The following FAM76A variants were observed in gnomAD, a reference collection of about 807,000 sequenced individuals.
The protein encoded by FAM76A is protein FAM76A.
A neutral mutation model predicts 46.2 loss-of-function variants in FAM76A; 32 were observed. The ratio of observed to expected loss-of-function variants is 0.69; its 90% CI spans 0.52 to 0.93. The LOEUF (loss-of-function observed/expected upper bound fraction) is 0.93. FAM76A is among the 40% of genes least tolerant of loss of function. The probability of loss-of-function intolerance (pLI) is 0.00; values close to 1 mark genes in which losing one functional copy is unlikely to be tolerated. For missense variants in FAM76A, 274 were observed against 361.5 expected (o/e 0.76, Z 1.96); for synonymous variants, 137 against 127.0 (o/e 1.08, Z -0.53).
Position 27,744,645 on chromosome 1 carries a change from G to C in FAM76A, c.355-9G>C, listed in dbSNP as rs904331891. On this transcript the variant is annotated splice_polypyrimidine_tract_variant and intron_variant, in intron 4 of 8. Transcript: ENST00000373954. The stretch of plus-strand genomic sequence containing the variant: ...CCCTCTTCTTTATCTTTGTCTCCTT[G>C]TCTTTCAGGTAGATGGGAAATTGCT... 1.2e-6 allele frequency: 2 copies of C among 1,613,378 alleles called. No homozygotes were observed. The highest frequency in any genetic ancestry group is 1.7e-6 in the Non-Finnish European group (2 of 1,179,652).
At chr1:27,738,232 C>T (rs1037725563) in intron 4 of FAM76A, among the ~76,000 whole-genome samples, 1 of 152,024 alleles carries the variant, frequency 6.6e-6, no homozygotes, top group Non-Finnish European at 1.5e-5. Context: ...TGGCTCACGC[C>T]TGTAATCCCA....
intron 4 of FAM76A, among the ~76,000 whole-genome samples, chr1:27,736,398 G>A (rs1329505658): frequency 6.6e-6 from 1 of 152,148 alleles, no homozygotes; most frequent in Non-Finnish European, 1.5e-5. Context: ...CTTATTAACT[G>A]TGTGACTTTG....
chr1:27,734,113 A>G lies in FAM76A; in HGVS notation c.284A>G (p.Tyr95Cys). 6.2e-7 allele frequency: 1 copy of G among 1,613,214 alleles called. No individual in the cohort carries two copies. Among genetic ancestry groups the G allele is most frequent in the Non-Finnish European group, 8.5e-7 (1 of 1,179,846 alleles). Residue 95 changes from tyrosine to cysteine, a missense_variant, in exon 4 of 9, where the codon TAT (tyrosine) becomes TGT (cysteine). Tyr to Cys is a radical substitution (Grantham distance 194, BLOSUM62 -2). Transcript: ENST00000373954. ...CGCTGCACAAATTCAGAAAAGAAGTATGGACCACCCTATTCTTGTGAACAG... is the reference window on the plus strand; with the variant it reads ...CGCTGCACAAATTCAGAAAAGAAGTGTGGACCACCCTATTCTTGTGAACAG... ...CQRCTNSEKK[Y>C]GPPYSCEQCK...
intron 5 of FAM76A, among the ~76,000 whole-genome samples, chr1:27,747,626 A>C (rs1250722983): frequency 2.0e-5 from 3 of 152,144 alleles, no homozygotes; most frequent in Admixed American, 2.0e-4. Context: ...AGTGAAGAAG[A>C]ACTAGACTGG....
chr1:27,759,589 A>T lies in FAM76A; in HGVS notation c.799A>T (p.Met267Leu), dbSNP rs763384928. ...GCAGATGAGAGCCAAAATGAACCAG[A>T]TGGAGAAAACCCACAAAGAAGTCAC... ...ESQMRAKMNQ[M>L]EKTHKEVTEQ... is the part of the protein sequence containing the mutation. The change falls in exon 8 of 9, where the codon ATG (methionine) becomes TTG (leucine). Residue 267 changes from methionine (M) to leucine (L), a missense_variant. Physicochemically the swap from Met to Leu is conservative, Grantham distance 15 (BLOSUM62 2). Transcript: ENST00000373954. 2 of 1,613,882 alleles carry T rather than the reference A, an allele frequency of 1.2e-6. No homozygotes were observed. The highest frequency in any genetic ancestry group is 3.3e-5 in the Admixed American group (2 of 59,934).
At chr1:27,749,043 G>C in intron 5 of FAM76A, 25 bp from the exon 6 acceptor site, 1 of 1,456,364 alleles carries the variant, frequency 6.9e-7, no homozygotes, top group Non-Finnish European at 9.5e-7. Context: ...TCTAATGTGT[G>C]TCTCTCTATT....
At chr1:27,744,278 G>A (rs1381999490) in intron 4 of FAM76A, among the ~76,000 whole-genome samples, 5 of 152,022 alleles carry the variant, frequency 3.3e-5, no homozygotes, top group Non-Finnish European at 5.9e-5. Context: ...ACAGGTGCAC[G>A]ACACTATGCC....
At chr1:27,755,768 T>C in intron 7 of FAM76A, among the ~76,000 whole-genome samples, 1 of 152,066 alleles carries the variant, frequency 6.6e-6, no homozygotes, top group East Asian at 1.9e-4. Context: ...AGAGACATGG[T>C]CTTATTATGT....
At chr1:27,746,472 C>T (rs2088242204) in intron 5 of FAM76A, among the ~76,000 whole-genome samples, 1 of 152,176 alleles carries the variant, frequency 6.6e-6, no homozygotes, top group Admixed American at 6.5e-5. Context: ...CCCGTAATCC[C>T]AGCACTTTGG....
At chr1:27,747,039 G>T (rs1229717186) in intron 5 of FAM76A, among the ~76,000 whole-genome samples, 1 of 152,016 alleles carries the variant, frequency 6.6e-6, no homozygotes, top group Non-Finnish European at 1.5e-5. Context: ...TTATGCCATT[G>T]CTCTCCAGCC....
chr1:27,741,193 ATTT>A (rs767134759), intron 4 of FAM76A, among the ~76,000 whole-genome samples: 3 of 116,492 alleles, frequency 2.6e-5, no homozygotes, highest in Non-Finnish European at 3.4e-5. Flanking sequence ...GGGAGATTTG[ATTT>A]TTTTTTTTTT....
At chr1:27,759,505 A>G in intron 7 of FAM76A, 21 bp from the exon 8 acceptor site, 1 of 1,556,030 alleles carries the variant, frequency 6.4e-7, no homozygotes, top group Non-Finnish European at 8.7e-7. Context: ...TCTTCTGGTT[A>G]TTCTGCCTTG....
At chr1:27,751,716 A>T (rs553590294) in intron 6 of FAM76A, among the ~76,000 whole-genome samples, 1 of 152,078 alleles carries the variant, frequency 6.6e-6, no homozygotes, top group South Asian at 2.1e-4. Context: ...TACTCAGGCC[A>T]GTCCTGAACT....
At chr1:27,759,719 CT>C (rs1369059208) in intron 8 of FAM76A, 92 bp downstream of exon 8, 8 of 776,658 alleles carry the variant, frequency 1.0e-5, no homozygotes, top group East Asian at 3.2e-5. Flanking sequence ...TCTTAGATTT[CT>C]TTTTTTTCTC....
chr1:27,755,369 G>T (rs372372895), intron 7 of FAM76A, 39 bp downstream of exon 7: 7 of 1,610,804 alleles, frequency 4.3e-6, no homozygotes, highest in Admixed American at 1.7e-5. Flanking sequence ...AGAATGATGC[G>T]AGGGTGAGAT....
chr1:27,753,634 G>A (rs1270089595), intron 6 of FAM76A, among the ~76,000 whole-genome samples: 1 of 152,180 alleles, frequency 6.6e-6, no homozygotes, highest in African/African-American at 2.4e-5. Context: ...TGAGAGGAGG[G>A]TAGGAATATT....
rs533656345 is a variant in FAM76A, at chr1:27,731,878, G to T, written c.147-725G>T. On this transcript the variant is annotated intron_variant, in intron 2 of 8. Transcript: ENST00000373954. ...CTTTTGTTGCCCAGGCTGGAGTGCA[G>T]TGGTGAGGTCTCGGCTTACTGCAAC... Among the ~76,000 whole-genome samples, 24 of 152,230 alleles carry T rather than the reference G, an allele frequency of 1.6e-4. No homozygotes were observed. In the South Asian group the frequency reaches 5.0e-3, roughly 32 times the overall value.
chr1:27,726,280 C>T (rs1414864674), intron 1 of FAM76A, 119 bp downstream of exon 1: 1 of 929,198 alleles, frequency 1.1e-6, no homozygotes, highest in South Asian at 5.5e-5. Flanking sequence ...GCCCGCCAGG[C>T]TGAGGAGCCG....
At chr1:27,729,019 C>T (rs2087911502) in intron 2 of FAM76A, among the ~76,000 whole-genome samples, 1 of 149,796 alleles carries the variant, frequency 6.7e-6, no homozygotes, top group African/African-American at 2.5e-5. Flanking sequence ...CTTTAGGGGG[C>T]ATTTCCATAG....
Sources: allele counts gnomAD v4.1 joint callset (sites outside exome capture counted in the v4.1 genomes callset), GRCh38; gene constraint gnomAD v4.1.1; transcripts MANE v1.5; gene names NCBI Gene and HGNC (gene_info 2026-07-23, HGNC 2026-07-21).